DEPTOR: variants seen among roughly 807,000 people sequenced by gnomAD.
DEPTOR encodes the protein DEP domain-containing mTOR-interacting protein.
A neutral mutation model predicts 41.6 loss-of-function variants in DEPTOR; 41 were observed. The ratio of observed to expected loss-of-function variants is 0.98; its 90% CI spans 0.77 to 1.28. The LOEUF is 1.28. Among genes scored for constraint, DEPTOR ranks in the 50% most tolerant of loss-of-function variants. DEPTOR has a pLI of 0.00. For synonymous variants in DEPTOR, 195 were observed against 192.3 expected (o/e 1.01, Z -0.12); for missense variants, 514 against 527.9 (o/e 0.97, Z 0.26).
intron 1 of DEPTOR, among the ~76,000 whole-genome samples, chr8:119,911,879 G>A (rs2129788539): frequency 6.6e-6 from 1 of 152,230 alleles, no homozygotes; most frequent in South Asian, 2.1e-4. Context: ...TGTCCAGACT[G>A]AAACAAAGAT....
chr8:119,991,444 C>T (rs2139437), intron 4 of DEPTOR, among the ~76,000 whole-genome samples: 116,789 of 151,850 alleles, frequency 0.77, 44,998 homozygotes, highest in Middle Eastern at 0.87. Flanking sequence ...GCCTCCCAAG[C>T]AGCTGGGATT....
chr8:119,935,997 T>A (rs1237390098), intron 3 of DEPTOR, among the ~76,000 whole-genome samples: 1 of 110,482 alleles, frequency 9.1e-6, no homozygotes, highest in African/African-American at 4.2e-5. Context: ...ATTAGTCTAG[T>A]TGTTTTTTTT....
chr8:120,010,454 A>C (rs1812513055), intron 8 of DEPTOR, among the ~76,000 whole-genome samples: 1 of 152,028 alleles, frequency 6.6e-6, no homozygotes, highest in Non-Finnish European at 1.5e-5. Context: ...GTCTCTACTA[A>C]AGATACAAAA....
chr8:120,040,637 C>T (rs1813054090), intron 8 of DEPTOR, among the ~76,000 whole-genome samples: 1 of 146,564 alleles, frequency 6.8e-6, no homozygotes, highest in South Asian at 2.3e-4. Flanking sequence ...TGAGCAATTG[C>T]GCAGTGAAAA....
chr8:120,021,188 A>G (rs1812708076), intron 8 of DEPTOR, among the ~76,000 whole-genome samples: 1 of 152,072 alleles, frequency 6.6e-6, no homozygotes, highest in African/African-American at 2.4e-5. Flanking sequence ...AGATTACCTG[A>G]GGTTATTAGT....
chr8:119,979,722 C>G (rs189309392), intron 4 of DEPTOR, among the ~76,000 whole-genome samples: 70 of 152,212 alleles, frequency 4.6e-4, no homozygotes, highest in Non-Finnish European at 9.1e-4. Flanking sequence ...CCCAAGCTGT[C>G]CCAGGTTTTG....
At chr8:119,953,602 A>G (rs1225851977) in intron 3 of DEPTOR, among the ~76,000 whole-genome samples, 11 of 151,626 alleles carry the variant, frequency 7.3e-5, no homozygotes, top group Middle Eastern at 3.4e-3. Context: ...AAAAAAAAAA[A>G]AAAGAAAGAA....
intron 4 of DEPTOR, among the ~76,000 whole-genome samples, chr8:120,000,737 A>G (rs963793049): frequency 1.3e-5 from 2 of 150,902 alleles, no homozygotes; most frequent in African/African-American, 4.9e-5. Flanking sequence ...TGCTGGGATT[A>G]CAAGCTTGAG....
At chr8:119,990,479 CA>C (rs1307767027) in intron 4 of DEPTOR, among the ~76,000 whole-genome samples, 3 of 152,202 alleles carry the variant, frequency 2.0e-5, no homozygotes, top group African/African-American at 7.2e-5. Flanking sequence ...TTTAATGATA[CA>C]TACAGAAGAA....
At chr8:120,044,288 G>C (rs952578878) in intron 8 of DEPTOR, among the ~76,000 whole-genome samples, 1 of 151,932 alleles carries the variant, frequency 6.6e-6, no homozygotes, top group Non-Finnish European at 1.5e-5. Flanking sequence ...ACCATGCCCA[G>C]CTAATGTTTC....
At chr8:119,874,974 T>A (rs1827213657) in intron 1 of DEPTOR, among the ~76,000 whole-genome samples, 1 of 152,176 alleles carries the variant, frequency 6.6e-6, no homozygotes, top group Non-Finnish European at 1.5e-5. Flanking sequence ...TTTTGGTTTC[T>A]AAATGTCTGT....
At chr8:119,904,236 G>A (rs1054839530) in intron 1 of DEPTOR, among the ~76,000 whole-genome samples, 26 of 151,114 alleles carry the variant, frequency 1.7e-4, no homozygotes, top group African/African-American at 5.6e-4. Flanking sequence ...TCATGTCTCA[G>A]CCGCCCCGAG....
intron 4 of DEPTOR, among the ~76,000 whole-genome samples, chr8:119,984,478 C>G (rs989153529): frequency 2.0e-5 from 3 of 152,012 alleles, no homozygotes; most frequent in Non-Finnish European, 4.4e-5. Context: ...TCCATGTGTT[C>G]TCGTTGTTCA....
intron 3 of DEPTOR, among the ~76,000 whole-genome samples, chr8:119,953,512 ATC>A (rs1828378903): frequency 6.6e-6 from 1 of 151,684 alleles, no homozygotes. Context: ...AATCACTTGA[ATC>A]CAGGAGGTGG....
At chr8:119,966,246 C>T (rs1828559376) in intron 4 of DEPTOR, among the ~76,000 whole-genome samples, 1 of 152,130 alleles carries the variant, frequency 6.6e-6, no homozygotes, top group African/African-American at 2.4e-5. Flanking sequence ...GGGTGGATCA[C>T]CTGAGGTGAG....
In DEPTOR at chr8:120,009,141, C is replaced by T. The variant is rs371180983; in HGVS notation, c.1101+8C>T. 45 of 1,611,840 alleles carry T rather than the reference C, an allele frequency of 2.8e-5. No homozygotes were observed. The African/African-American group carries it at 3.5e-4, about 12-fold the overall frequency. ...GCCGCAGCAGGAATGAAGGTACTAA[C>T]GGGTCTTTCTCACCCTCTTTTATAT... On this transcript the variant is annotated splice_region_variant and intron_variant, in intron 8 of 8. Coordinates refer to ENST00000286234, the MANE Select transcript of DEPTOR (RefSeq NM_022783.4).
intron 1 of DEPTOR, among the ~76,000 whole-genome samples, chr8:119,876,812 G>A (rs1233325390): frequency 6.6e-6 from 1 of 152,144 alleles, no homozygotes; most frequent in East Asian, 1.9e-4. Flanking sequence ...TCACTTCTCT[G>A]AGTCTCTGTT....
At chr8:119,908,240 G>T (rs757640076) in intron 1 of DEPTOR, among the ~76,000 whole-genome samples, 1 of 152,094 alleles carries the variant, frequency 6.6e-6, no homozygotes, top group Non-Finnish European at 1.5e-5. Flanking sequence ...TCTATACCTT[G>T]CCCTATCCAT....
intron 8 of DEPTOR, among the ~76,000 whole-genome samples, chr8:120,049,180 A>C (rs1813194578): frequency 6.6e-6 from 1 of 152,178 alleles, no homozygotes; most frequent in Non-Finnish European, 1.5e-5. Flanking sequence ...TACTGCAAGT[A>C]GAAACTATAT....
Sources: gnomAD v4.1 joint callset for allele counts (sites outside exome capture counted in the v4.1 genomes callset) on GRCh38, gnomAD v4.1.1 for gene constraint, MANE v1.5 for transcripts, NCBI Gene and HGNC (gene_info 2026-07-23, HGNC 2026-07-21) for gene names.